KLHL29: variants seen among roughly 807,000 people sequenced by gnomAD.
KLHL29 encodes the protein kelch like family member 29.
A neutral mutation model predicts 80.4 loss-of-function variants in KLHL29; 21 were observed. The ratio of observed to expected loss-of-function variants is 0.26; its 90% CI spans 0.19 to 0.38. KLHL29 has a LOEUF of 0.38. KLHL29 is among the 10% of genes least tolerant of loss of function. The probability of loss-of-function intolerance (pLI) is 1.00; values close to 1 mark genes in which losing one functional copy is unlikely to be tolerated. For synonymous variants in KLHL29, 511 were observed against 526.8 expected (o/e 0.97, Z 0.41); for missense variants, 867 against 1,223.9 (o/e 0.71, Z 4.35).
intron 2 of KLHL29, among the ~76,000 whole-genome samples, chr2:23,494,939 G>A (rs1049378993): frequency 6.6e-6 from 1 of 152,198 alleles, no homozygotes; most frequent in African/African-American, 2.4e-5. Flanking sequence ...TTTCGTCGCC[G>A]TAAGCCAATC....
intron 2 of KLHL29, among the ~76,000 whole-genome samples, chr2:23,537,000 A>C (rs1276370196): frequency 6.6e-6 from 1 of 150,400 alleles, no homozygotes; most frequent in Admixed American, 6.6e-5. Context: ...GCTGTTCTGG[A>C]CCTGCTGGCA....
At chr2:23,633,081 G>A (rs562719149) in intron 3 of KLHL29, among the ~76,000 whole-genome samples, 1 of 152,332 alleles carries the variant, frequency 6.6e-6, no homozygotes, top group South Asian at 2.1e-4. Flanking sequence ...CAGGCAGGTG[G>A]GATGGGCACA....
chr2:23,671,268 A>C (rs1670748869), intron 5 of KLHL29, among the ~76,000 whole-genome samples: 1 of 151,950 alleles, frequency 6.6e-6, no homozygotes, highest in Non-Finnish European at 1.5e-5. Context: ...CTGGAGCAGG[A>C]GGAGGAGACT....
chr2:23,532,709 C>T (rs966323814), intron 2 of KLHL29: 3 of 453,428 alleles, frequency 6.6e-6, no homozygotes, highest in African/African-American at 6.0e-5. Context: ...GGGTGGGTGT[C>T]AGGTGGGAGG....
At chr2:23,553,597 G>A (rs1270213896) in intron 2 of KLHL29, among the ~76,000 whole-genome samples, 1 of 152,228 alleles carries the variant, frequency 6.6e-6, no homozygotes. Flanking sequence ...CTGTGTGAAG[G>A]GCCAGGGCTA....
intron 1 of KLHL29, among the ~76,000 whole-genome samples, chr2:23,402,305 A>T (rs1204626435): frequency 6.6e-6 from 1 of 152,214 alleles, no homozygotes; most frequent in Non-Finnish European, 1.5e-5. Flanking sequence ...ATTTCCTAAA[A>T]TGTGTGGCTC....
chr2:23,470,505 C>T (rs528869997), intron 1 of KLHL29, among the ~76,000 whole-genome samples: 1 of 152,114 alleles, frequency 6.6e-6, no homozygotes, highest in Non-Finnish European at 1.5e-5. Context: ...ATGAGGATTA[C>T]AAAAGTAATC....
At chr2:23,474,255 A>G (rs1036497408) in intron 1 of KLHL29, among the ~76,000 whole-genome samples, 1 of 152,202 alleles carries the variant, frequency 6.6e-6, no homozygotes, top group African/African-American at 2.4e-5. Flanking sequence ...GGGAATCAAT[A>G]TTTATTAAAT....
chr2:23,463,021 T>C (rs751536340), intron 1 of KLHL29, among the ~76,000 whole-genome samples: 12 of 151,174 alleles, frequency 7.9e-5, no homozygotes, highest in Non-Finnish European at 1.5e-4. Flanking sequence ...TTTCCACTTA[T>C]ATTTCATGAG....
At chr2:23,547,704 G>C (rs980303598) in intron 2 of KLHL29, among the ~76,000 whole-genome samples, 1 of 151,780 alleles carries the variant, frequency 6.6e-6, no homozygotes, top group Non-Finnish European at 1.5e-5. Flanking sequence ...ATGCTATTTG[G>C]GCCTAACAGA....
chr2:23,467,016 T>TG (rs1269249003), intron 1 of KLHL29, among the ~76,000 whole-genome samples: 1 of 152,198 alleles, frequency 6.6e-6, no homozygotes, highest in Non-Finnish European at 1.5e-5. Flanking sequence ...TGACTGGCTG[T>TG]GGGACCTGAG....
At chr2:23,599,748 G>A (rs1668521101) in intron 3 of KLHL29, among the ~76,000 whole-genome samples, 2 of 152,182 alleles carry the variant, frequency 1.3e-5, no homozygotes, top group Non-Finnish European at 2.9e-5. Flanking sequence ...TCCGTGGATA[G>A]GGAGTGTGTG....
At chr2:23,674,130 C>T (rs1231817107) in intron 5 of KLHL29, among the ~76,000 whole-genome samples, 1 of 152,202 alleles carries the variant, frequency 6.6e-6, no homozygotes, top group Non-Finnish European at 1.5e-5. Flanking sequence ...GGTCAGACTC[C>T]TCTCACAGGG....
intron 5 of KLHL29, among the ~76,000 whole-genome samples, chr2:23,659,893 C>A (rs1670357259): frequency 6.6e-6 from 1 of 152,052 alleles, no homozygotes; most frequent in Non-Finnish European, 1.5e-5. Flanking sequence ...GAGCAATCTT[C>A]CTAACGCACC....
At chr2:23,635,488 C>A (rs373244019) in intron 3 of KLHL29, among the ~76,000 whole-genome samples, 3 of 152,218 alleles carry the variant, frequency 2.0e-5, no homozygotes, top group Non-Finnish European at 4.4e-5. Flanking sequence ...GGTGCCTCCC[C>A]CTCTGCGCTG....
Position 23,706,847 on chromosome 2 carries a change from C to A in KLHL29, c.*183C>A. ...AAATCATCCTCGCCTTTGGATGAAACGGAGGCACCGCGCTTGGAGCCGCAG... is the reference window on the plus strand; with the variant it reads ...AAATCATCCTCGCCTTTGGATGAAAAGGAGGCACCGCGCTTGGAGCCGCAG... On this transcript the variant is annotated 3_prime_UTR_variant, in exon 14 of 14. Transcript: ENST00000486442. The A allele has an allele frequency of 1.9e-6, 1 of 522,062 alleles. No homozygotes were observed. Among genetic ancestry groups the A allele is most frequent in the Non-Finnish European group, 3.2e-6 (1 of 311,976 alleles). The allele number at this position is 522,062 out of a possible 1,614,324, so 32.3% of individuals were successfully genotyped here.
chr2:23,692,754 C>T (rs1030573365), intron 7 of KLHL29, among the ~76,000 whole-genome samples: 2 of 152,118 alleles, frequency 1.3e-5, no homozygotes, highest in Admixed American at 6.5e-5. Context: ...CCACTAAGCC[C>T]AGGAGAGCTG....
At chr2:23,463,345 ATAC>A (rs1664267547) in intron 1 of KLHL29, among the ~76,000 whole-genome samples, 1 of 152,108 alleles carries the variant, frequency 6.6e-6, no homozygotes, top group Admixed American at 6.6e-5. Context: ...ACTAAAATTT[ATAC>A]TACATCATAT....
intron 1 of KLHL29, among the ~76,000 whole-genome samples, chr2:23,386,750 G>C (rs1441404818): frequency 6.6e-6 from 1 of 152,134 alleles, no homozygotes; most frequent in Non-Finnish European, 1.5e-5. Flanking sequence ...GGCCCCAAGG[G>C]AGGGACGTGC....
Sources: gnomAD v4.1 joint callset for allele counts (sites outside exome capture counted in the v4.1 genomes callset) on GRCh38, gnomAD v4.1.1 for gene constraint, MANE v1.5 for transcripts, NCBI Gene and HGNC (gene_info 2026-07-23, HGNC 2026-07-21) for gene names.